Variants in UNC13C observed in about 807,000 individuals in gnomAD.
UNC13C encodes the protein protein unc-13 homolog C.
A neutral mutation model predicts 245.4 loss-of-function variants in UNC13C; 174 were observed. The ratio of observed to expected loss-of-function variants is 0.71; its 90% CI spans 0.63 to 0.80. UNC13C has a LOEUF of 0.80. Ranked by LOEUF, UNC13C falls within the 30% of genes least tolerant of loss-of-function variation. The probability of loss-of-function intolerance (pLI) is 0.00; values close to 1 mark genes in which losing one functional copy is unlikely to be tolerated. For synonymous variants in UNC13C, 992 were observed against 895.1 expected, an observed-to-expected ratio of 1.11 and a Z score of -1.93; for missense variants, 2,829 against 2,602.9, an observed-to-expected ratio of 1.09 and a Z score of -1.89.
the UNC13C span, among the ~76,000 whole-genome samples, chr15:53,905,014 A>G: frequency 1.3e-5 from 2 of 152,186 alleles, no homozygotes; most frequent in Non-Finnish European, 2.9e-5. Flanking sequence ...TGAGGCATGC[A>G]TAGACAGAAA....
At chr15:53,840,717 G>A in the UNC13C span, among the ~76,000 whole-genome samples, 143 of 152,168 alleles carry the variant, frequency 9.4e-4, 1 homozygote, top group Non-Finnish European at 1.7e-3. Flanking sequence ...CACTGAGGAA[G>A]TATCAATGTG....
intron 19 of UNC13C, among the ~76,000 whole-genome samples, chr15:54,471,406 A>G (rs563113819): frequency 1.3e-5 from 2 of 151,584 alleles, no homozygotes; most frequent in South Asian, 4.2e-4. Flanking sequence ...GATCTTTACA[A>G]TTGTTTTATC....
intron 8 of UNC13C, among the ~76,000 whole-genome samples, chr15:54,261,838 C>T (rs117122441): frequency 0.025 from 3,730 of 152,158 alleles, 60 homozygotes; most frequent in Non-Finnish European, 0.031. Context: ...CCACCGCGCC[C>T]GGCCATAAGT....
chr15:54,180,572 G>A (rs1405401851), intron 4 of UNC13C, among the ~76,000 whole-genome samples: 1 of 151,952 alleles, frequency 6.6e-6, no homozygotes, highest in East Asian at 1.9e-4. Context: ...TTCAGAAATT[G>A]CCAAACTGCT....
chr15:54,544,871 C>T (rs1896415956), intron 26 of UNC13C, among the ~76,000 whole-genome samples: 1 of 152,150 alleles, frequency 6.6e-6, no homozygotes, highest in South Asian at 2.1e-4. Flanking sequence ...GGCCATACTG[C>T]CCAAAGTAAT....
chr15:54,600,704 T>C (rs1899364877), intron 30 of UNC13C, among the ~76,000 whole-genome samples: 1 of 152,134 alleles, frequency 6.6e-6, no homozygotes, highest in Admixed American at 6.6e-5. Context: ...TTATACAAAA[T>C]AAATATTTTA....
chr15:54,504,316 T>C (rs1214320278), intron 22 of UNC13C, among the ~76,000 whole-genome samples: 2 of 152,200 alleles, frequency 1.3e-5, no homozygotes, highest in Non-Finnish European at 1.5e-5. Flanking sequence ...TAATTCTAAT[T>C]TTTAACAATA....
chr15:54,488,346 C>A (rs1446970814), intron 19 of UNC13C, among the ~76,000 whole-genome samples: 6 of 152,070 alleles, frequency 3.9e-5, no homozygotes, highest in African/African-American at 1.4e-4. Flanking sequence ...GTTTCCAGAC[C>A]ATTCATATTA....
chr15:53,876,388 G>T, the UNC13C span, among the ~76,000 whole-genome samples: 3 of 152,152 alleles, frequency 2.0e-5, no homozygotes, highest in Non-Finnish European at 1.5e-5. Flanking sequence ...AGGCTCGAAG[G>T]ATTGACTGAA....
At chr15:54,002,036 C>T (rs1894914498) in intron 1 of UNC13C, among the ~76,000 whole-genome samples, 2 of 152,340 alleles carry the variant, frequency 1.3e-5, no homozygotes, top group African/African-American at 2.4e-5. Flanking sequence ...CCTGTAATCC[C>T]AACACTTTGG....
At chr15:53,898,691 C>T in the UNC13C span, among the ~76,000 whole-genome samples, 1 of 151,968 alleles carries the variant, frequency 6.6e-6, no homozygotes, top group African/African-American at 2.4e-5. Context: ...TTAAGGTGTA[C>T]AATATGATAA....
At chr15:54,148,334 A>T (rs145187127) in intron 4 of UNC13C, among the ~76,000 whole-genome samples, 54 of 152,352 alleles carry the variant, frequency 3.5e-4, no homozygotes, top group African/African-American at 1.3e-3. Flanking sequence ...AAAGTCCTGC[A>T]CAATTCCATT....
intron 24 of UNC13C, among the ~76,000 whole-genome samples, chr15:54,521,131 C>T (rs531898493): frequency 1.3e-5 from 2 of 152,182 alleles, no homozygotes; most frequent in South Asian, 4.1e-4. Flanking sequence ...GGAAATAAGG[C>T]TTTTTCATGG....
At chr15:54,216,959 TC>T (rs749269275) in intron 4 of UNC13C, among the ~76,000 whole-genome samples, 21 of 151,968 alleles carry the variant, frequency 1.4e-4, no homozygotes, top group Non-Finnish European at 2.4e-4. Context: ...CTAATGTGGT[TC>T]CCTCCAAAGA....
At chr15:54,432,309 GA>G (rs2040888451) in intron 19 of UNC13C, among the ~76,000 whole-genome samples, 2 of 151,566 alleles carry the variant, frequency 1.3e-5, no homozygotes, top group African/African-American at 4.8e-5. Flanking sequence ...AAATAATTGA[GA>G]GGGGCATTTT....
chr15:54,162,177 T>A (rs1238052559), intron 4 of UNC13C, among the ~76,000 whole-genome samples: 1 of 152,198 alleles, frequency 6.6e-6, no homozygotes, highest in Non-Finnish European at 1.5e-5. Context: ...TTTTGCTTTT[T>A]CTTACAGCAG....
intron 30 of UNC13C, among the ~76,000 whole-genome samples, chr15:54,582,760 C>A (rs16974866): frequency 6.6e-6 from 1 of 152,106 alleles, no homozygotes; most frequent in Non-Finnish European, 1.5e-5. Context: ...TGACGACCAC[C>A]ACTACTGTTA....
chr15:54,324,851 A>G lies in UNC13C; in HGVS notation c.4425+2756A>G, dbSNP rs1229015740. Reference sequence around the variant, plus strand: ...TCACGAAGTTTGTTCAGTGAATGGCATATAACAAGCTTGTCCAACCCACAG... The same window carrying G: ...TCACGAAGTTTGTTCAGTGAATGGCGTATAACAAGCTTGTCCAACCCACAG... On this transcript the variant is annotated intron_variant, in intron 14 of 32. Transcript: ENST00000260323. Among the ~76,000 whole-genome samples, 4 of 152,218 alleles carry G rather than the reference A, an allele frequency of 2.6e-5. No homozygotes were observed. The East Asian group carries it at 7.8e-4, about 30-fold the overall frequency.
intron 16 of UNC13C, among the ~76,000 whole-genome samples, chr15:54,336,997 C>T (rs762150906): frequency 2.6e-5 from 4 of 152,150 alleles, no homozygotes; most frequent in Non-Finnish European, 2.9e-5. Flanking sequence ...TAGATAAATC[C>T]GGAGAGAACT....
Sources: allele counts gnomAD v4.1 joint callset (sites outside exome capture counted in the v4.1 genomes callset), GRCh38; gene constraint gnomAD v4.1.1; transcripts MANE v1.5; gene names NCBI Gene and HGNC (gene_info 2026-07-23, HGNC 2026-07-21).